SPO11: variants seen among roughly 807,000 people sequenced by gnomAD.
SPO11 encodes the protein meiotic recombination protein SPO11.
A neutral mutation model predicts 51.6 loss-of-function variants in SPO11; 49 were observed. The ratio of observed to expected loss-of-function variants is 0.95; its 90% CI spans 0.75 to 1.20. SPO11 has a LOEUF of 1.20. Ranked by LOEUF, SPO11 falls within the 50% of genes most tolerant of loss-of-function variation. The probability of loss-of-function intolerance (pLI) is 0.00; values close to 1 mark genes in which losing one functional copy is unlikely to be tolerated. For synonymous variants in SPO11, 176 were observed against 158.2 expected, an observed-to-expected ratio of 1.11 and a Z score of -0.84; for missense variants, 431 against 473.4, an observed-to-expected ratio of 0.91 and a Z score of 0.83.
chr20:57,330,458 T>G (rs758419894), intron 1 of SPO11, among the ~76,000 whole-genome samples: 5 of 152,196 alleles, frequency 3.3e-5, no homozygotes, highest in African/African-American at 4.8e-5. Flanking sequence ...AATGGTTTTC[T>G]CAGAATTAAC....
intron 8 of SPO11, among the ~76,000 whole-genome samples, chr20:57,336,338 T>G (rs1389161598): frequency 6.6e-6 from 1 of 152,206 alleles, no homozygotes; most frequent in African/African-American, 2.4e-5. Flanking sequence ...CAAGTCCTTT[T>G]GAATTGGCCT....
chr20:57,332,255 G>A (rs768375297), intron 2 of SPO11, among the ~76,000 whole-genome samples: 3 of 152,202 alleles, frequency 2.0e-5, no homozygotes, highest in Admixed American at 1.3e-4. Flanking sequence ...TTGGAGCTAA[G>A]CTTTCTAGCA....
intron 7 of SPO11, among the ~76,000 whole-genome samples, 154 bp from the exon 8 acceptor site, chr20:57,335,644 C>T (rs2066503658): frequency 6.6e-6 from 1 of 152,044 alleles, no homozygotes; most frequent in African/African-American, 2.4e-5. Context: ...AGACAGATAT[C>T]TGAATATATG....
rs755668199 is a variant in SPO11 at position 57,340,081 on chromosome 20, T to C, written c.883-21T>C. 3 of 1,542,906 alleles carry C rather than the reference T, an allele frequency of 1.9e-6. No homozygotes were observed. The Admixed American group carries it at 5.0e-5, about 26-fold the overall frequency. On this transcript the variant is annotated intron_variant, in intron 10 of 12. Transcript: ENST00000371263. Reference sequence around the variant, plus strand: ...TTCTACAATTTAGCCTCACCTAATATACTTTTGTTCTTTATTTTAGTCTAT... The same window carrying C: ...TTCTACAATTTAGCCTCACCTAATACACTTTTGTTCTTTATTTTAGTCTAT...
In SPO11 at chr20:57,331,920, C is replaced by A; in HGVS notation, c.219C>A (p.Asp73Glu). ...ARNEAPAFTIDNRSSWENIKF... is the reference protein window; with the variant it reads ...ARNEAPAFTIENRSSWENIKF... ...ATGAAGCACCTGCATTCACGATAGA[C>A]AACAGATCAAGCTGGGAAAACATAA... The change falls in exon 2 of 13, where the codon GAC (aspartate) becomes GAA (glutamate). Residue 73 changes from aspartate to glutamate, a missense_variant. Transcript: ENST00000371263. 1 of 1,596,586 alleles carries A rather than the reference C, an allele frequency of 6.3e-7. No homozygotes were observed.
At position 57,331,656 on chromosome 20, in the gene SPO11, A is replaced by G. The variant is rs530685078; in HGVS notation, c.132-177A>G. Among the ~76,000 whole-genome samples the G allele has an allele frequency of 9.2e-5, 14 of 152,346 alleles. No homozygotes were observed. In the East Asian group the frequency reaches 2.7e-3, roughly 29 times the overall value. On this transcript the variant is annotated intron_variant, in intron 1 of 12. Transcript: ENST00000371263. ...TAAAGGTTTAATGGGAGAGATAATTATTGACATGGATTACCTAGTCTTTTT... is the reference window on the plus strand; with the variant it reads ...TAAAGGTTTAATGGGAGAGATAATTGTTGACATGGATTACCTAGTCTTTTT...
chr20:57,338,418 A>T, intron 9 of SPO11, 43 bp downstream of exon 9: 3 of 1,332,962 alleles, frequency 2.3e-6, no homozygotes, highest in Non-Finnish European at 3.2e-6. Context: ...TCATAACTAA[A>T]TCATATTTGT....
At chr20:57,334,155 A>AC (rs1289700483) in intron 5 of SPO11, 60 bp downstream of exon 5, 5 of 549,844 alleles carry the variant, frequency 9.1e-6, no homozygotes, top group Non-Finnish European at 1.3e-5. Flanking sequence ...ATAAAACATA[A>AC]TTTTTTTTTT....
intron 10 of SPO11, 68 bp downstream of exon 10, chr20:57,339,094 G>A: frequency 2.7e-6 from 3 of 1,102,572 alleles, no homozygotes; most frequent in Non-Finnish European, 3.9e-6. Context: ...GGTGATTTCT[G>A]CATTTATTAA....
At chr20:57,335,392 G>T in intron 6 of SPO11, 27 bp from the exon 7 acceptor site, 1 of 1,589,494 alleles carries the variant, frequency 6.3e-7, no homozygotes, top group Non-Finnish European at 8.6e-7. Context: ...TGCTTTTTAT[G>T]TAAGATAAAA....
At chr20:57,332,678 C>G (rs904874688) in intron 2 of SPO11, among the ~76,000 whole-genome samples, 1 of 152,188 alleles carries the variant, frequency 6.6e-6, no homozygotes, top group African/African-American at 2.4e-5. Context: ...ACATATCCAC[C>G]TGGTGCCTTC....
In SPO11 at chr20:57,331,966, A is replaced by G. The variant is rs2066455650; in HGVS notation, c.245+20A>G. 7 of 1,375,982 alleles carry G rather than the reference A, an allele frequency of 5.1e-6. No homozygotes were observed. The highest frequency in any genetic ancestry group is 7.1e-6 in the Non-Finnish European group (7 of 986,770). 85.2% of individuals were successfully genotyped at this position (1,375,982 alleles called of 1,614,324 possible). On this transcript the variant is annotated intron_variant, in intron 2 of 12. Coordinates refer to ENST00000371263, the MANE Select transcript of SPO11 (RefSeq NM_012444.3). ...CATAAAGTGGGCATTTTGCATTTTT[A>G]TTTTTTAAATGCAATATCTATGTCA...
chr20:57,330,274 A>T (rs1241961622), intron 1 of SPO11, among the ~76,000 whole-genome samples: 1 of 152,192 alleles, frequency 6.6e-6, no homozygotes, highest in Non-Finnish European at 1.5e-5. Context: ...CTGGGTTGGA[A>T]GGTTTCCTAA....
chr20:57,334,966 T>C, intron 6 of SPO11, 130 bp downstream of exon 6: 1 of 695,902 alleles, frequency 1.4e-6, no homozygotes, highest in Non-Finnish European at 2.4e-6. Flanking sequence ...GAAAGATGGA[T>C]AGGAATATGC....
chr20:57,333,590 A>G (rs2066474828), intron 3 of SPO11, 97 bp from the exon 4 acceptor site: 5 of 741,860 alleles, frequency 6.7e-6, no homozygotes, highest in Non-Finnish European at 9.3e-6. Context: ...AATTTTTTAA[A>G]TGTTAACTAA....
At chr20:57,333,830 T>C (rs1568758349) in intron 4 of SPO11, 77 bp downstream of exon 4, 2 of 1,041,558 alleles carry the variant, frequency 1.9e-6, no homozygotes, top group Middle Eastern at 2.1e-4. Context: ...ATTATATGCT[T>C]TGAAAAGTTA....
At chr20:57,330,782 A>G (rs1040217682) in intron 1 of SPO11, among the ~76,000 whole-genome samples, 1 of 152,200 alleles carries the variant, frequency 6.6e-6, no homozygotes, top group Non-Finnish European at 1.5e-5. Flanking sequence ...AAAAGAATTT[A>G]TTTTGAGGGA....
intron 2 of SPO11, among the ~76,000 whole-genome samples, chr20:57,332,939 CT>C (rs2066466616): frequency 6.6e-6 from 1 of 152,142 alleles, no homozygotes; most frequent in African/African-American, 2.4e-5. Flanking sequence ...CCCACACCCC[CT>C]AATCAAAGGT....
chr20:57,332,176 C>A (rs1185141461), intron 2 of SPO11, among the ~76,000 whole-genome samples: 2 of 152,050 alleles, frequency 1.3e-5, no homozygotes. Context: ...GAATGGAGCA[C>A]CAGAAGAGGT....
Sources: allele counts gnomAD v4.1 joint callset (sites outside exome capture counted in the v4.1 genomes callset), GRCh38; gene constraint gnomAD v4.1.1; transcripts MANE v1.5; gene names NCBI Gene and HGNC (gene_info 2026-07-23, HGNC 2026-07-21).